Variants in CAMTA1 observed in about 807,000 individuals in gnomAD.
The protein encoded by CAMTA1 is calmodulin binding transcription activator 1.
Under a neutral mutation model 170.9 loss-of-function variants are expected in CAMTA1, and 27 were observed. The observed-to-expected ratio is 0.16, with a 90% CI of 0.12 to 0.22. The LOEUF (loss-of-function observed/expected upper bound fraction) is 0.22. CAMTA1 is among the 10% of genes least tolerant of loss of function. CAMTA1 has a pLI of 1.00. For synonymous variants in CAMTA1, 833 were observed against 891.5 expected (o/e 0.93, Z 1.17); for missense variants, 1,619 against 2,217.2 (o/e 0.73, Z 5.42).
At chr1:7,058,908 T>TC (rs1179386763) in intron 3 of CAMTA1, among the ~76,000 whole-genome samples, 3 of 136,324 alleles carry the variant, frequency 2.2e-5, no homozygotes, top group African/African-American at 5.4e-5. Context: ...CTCTCTCTCT[T>TC]TCTTTCCTGT....
At chr1:7,450,589 G>T (rs144631677) in intron 5 of CAMTA1, among the ~76,000 whole-genome samples, 2 of 152,226 alleles carry the variant, frequency 1.3e-5, no homozygotes, top group African/African-American at 4.8e-5. Flanking sequence ...CCGCCTGCCC[G>T]CTCTGCCTGC....
chr1:7,107,436 G>T (rs1397037702), intron 4 of CAMTA1, among the ~76,000 whole-genome samples: 1 of 152,136 alleles, frequency 6.6e-6, no homozygotes, highest in Non-Finnish European at 1.5e-5. Context: ...GTGAACTTTG[G>T]TGGGGAACGG....
intron 3 of CAMTA1, among the ~76,000 whole-genome samples, chr1:6,883,929 A>C (rs1672364252): frequency 6.6e-6 from 1 of 152,140 alleles, no homozygotes; most frequent in Non-Finnish European, 1.5e-5. Flanking sequence ...TAAGTATAAA[A>C]ATTGAGAAGT....
At chr1:6,929,508 C>T (rs57636539) in intron 3 of CAMTA1, among the ~76,000 whole-genome samples, 14,048 of 152,190 alleles carry the variant, frequency 0.092, 927 homozygotes, top group East Asian at 0.23. Flanking sequence ...GGACTACAGG[C>T]GCCCGCCACC....
At chr1:6,826,561 CAG>C (rs1293794022) in intron 3 of CAMTA1, among the ~76,000 whole-genome samples, 9 of 152,294 alleles carry the variant, frequency 5.9e-5, no homozygotes, top group Non-Finnish European at 1.2e-4. Context: ...TTTAAAAACT[CAG>C]TGTATTTCTT....
rs181131244 is a variant in CAMTA1 at position 7,451,119 on chromosome 1, C to T, written c.439-16711C>T. Among the ~76,000 whole-genome samples the T allele has an allele frequency of 1.5e-3, 233 of 152,312 alleles. 2 individuals are homozygous for T. Among genetic ancestry groups the T allele is most frequent in the African/African-American group, 5.0e-3 (208 of 41,556 alleles). On this transcript the variant is annotated intron_variant, in intron 5 of 22. Coordinates refer to ENST00000303635, the MANE Select transcript of CAMTA1 (RefSeq NM_015215.4). ...CTGCTGAGGCTCCAGGTCCAGAGAG[C>T]AAACCTCCTGCCTGGTCCCATTAAA... is the stretch of plus-strand genomic sequence containing the variant.
At chr1:7,002,732 C>T (rs1205553728) in intron 3 of CAMTA1, among the ~76,000 whole-genome samples, 4 of 152,200 alleles carry the variant, frequency 2.6e-5, no homozygotes, top group African/African-American at 9.7e-5. Flanking sequence ...ATCAAATTTA[C>T]AGGGATAACA....
intron 3 of CAMTA1, among the ~76,000 whole-genome samples, chr1:7,051,448 G>C (rs1706338322): frequency 6.6e-6 from 1 of 152,188 alleles, no homozygotes; most frequent in Non-Finnish European, 1.5e-5. Context: ...CGTGGGGTGG[G>C]CAGGTGGGGC....
chr1:7,632,290 C>T (rs2095675476), intron 6 of CAMTA1, among the ~76,000 whole-genome samples: 1 of 152,254 alleles, frequency 6.6e-6, no homozygotes. Flanking sequence ...CGGCTGGCGG[C>T]AGGCAGGCCC....
intron 6 of CAMTA1, among the ~76,000 whole-genome samples, chr1:7,582,710 C>T (rs1213409887): frequency 6.6e-6 from 1 of 152,054 alleles, no homozygotes; most frequent in African/African-American, 2.4e-5. Context: ...AAGAACACTT[C>T]CTGGAACTCA....
chr1:7,087,729 T>C (rs935885966), intron 3 of CAMTA1, among the ~76,000 whole-genome samples: 10 of 152,188 alleles, frequency 6.6e-5, no homozygotes, highest in African/African-American at 2.4e-4. Context: ...TCATAGTTTG[T>C]TATGAAGATT....
At chr1:7,507,405 C>A (rs1267514852) in intron 6 of CAMTA1, among the ~76,000 whole-genome samples, 1 of 152,152 alleles carries the variant, frequency 6.6e-6, no homozygotes, top group Non-Finnish European at 1.5e-5. Flanking sequence ...AGGGGGCACA[C>A]GCCTGGCACG....
intron 3 of CAMTA1, among the ~76,000 whole-genome samples, chr1:6,989,872 G>C (rs1049026777): frequency 3.3e-5 from 5 of 152,134 alleles, no homozygotes; most frequent in Admixed American, 1.3e-4. Context: ...CTGACCTTGG[G>C]GGGTGAGTCC....
chr1:6,858,080 A>G (rs1161273479), intron 3 of CAMTA1, among the ~76,000 whole-genome samples: 1 of 152,228 alleles, frequency 6.6e-6, no homozygotes, highest in Non-Finnish European at 1.5e-5. Flanking sequence ...ATGGGAAGGA[A>G]TGAGGAGTGG....
At chr1:6,871,672 C>T in intron 3 of CAMTA1, 4 of 1,158,542 alleles carry the variant, frequency 3.5e-6, no homozygotes, top group East Asian at 2.6e-5. Flanking sequence ...TGATGGGGTT[C>T]AGTTACAGTG....
At chr1:6,972,496 C>T (rs564254611) in intron 3 of CAMTA1, among the ~76,000 whole-genome samples, 4 of 152,244 alleles carry the variant, frequency 2.6e-5, no homozygotes, top group South Asian at 2.1e-4. Flanking sequence ...TTTATTCATC[C>T]CTTGCCTGCC....
intron 3 of CAMTA1, among the ~76,000 whole-genome samples, chr1:6,853,980 C>T (rs112795485): frequency 6.6e-6 from 1 of 152,184 alleles, no homozygotes; most frequent in African/African-American, 2.4e-5. Flanking sequence ...TTTAATATAC[C>T]GTCTTCATTA....
At chr1:7,654,123 G>C (rs1310149955) in intron 7 of CAMTA1, among the ~76,000 whole-genome samples, 1 of 152,090 alleles carries the variant, frequency 6.6e-6, no homozygotes, top group East Asian at 1.9e-4. Context: ...GCTCACACCT[G>C]TAATCCCTGC....
intron 5 of CAMTA1, among the ~76,000 whole-genome samples, chr1:7,368,667 CTCG>C (rs1343605986): frequency 6.6e-6 from 1 of 152,314 alleles, no homozygotes; most frequent in Admixed American, 6.5e-5. Flanking sequence ...TTCTTCTTTT[CTCG>C]TCTGCCCTCC....
Sources: allele counts gnomAD v4.1 joint callset (sites outside exome capture counted in the v4.1 genomes callset), GRCh38; gene constraint gnomAD v4.1.1; transcripts MANE v1.5; gene names NCBI Gene and HGNC (gene_info 2026-07-23, HGNC 2026-07-21).